ST3GAL1: variants seen among roughly 807,000 people sequenced by gnomAD.
ST3GAL1 encodes CMP-N-acetylneuraminate-beta-galactosamide-alpha-2,3-sialyltransferase 1.
Under a neutral mutation model 34.1 loss-of-function variants are expected in ST3GAL1, and 16 were observed. The ratio of observed to expected loss-of-function variants is 0.47; its 90% confidence interval spans 0.32 to 0.71. The LOEUF is 0.71. ST3GAL1 is among the 30% of genes least tolerant of loss of function. ST3GAL1 has a pLI of 0.04. For missense variants in ST3GAL1, 353 were observed against 447.4 expected, an observed-to-expected ratio of 0.79 and a Z score of 1.90; for synonymous variants, 191 against 184.7, an observed-to-expected ratio of 1.03 and a Z score of -0.28.
At chr8:133,478,225 A>C (rs1360108352) in intron 3 of ST3GAL1, among the ~76,000 whole-genome samples, 3 of 152,234 alleles carry the variant, frequency 2.0e-5, no homozygotes, top group Non-Finnish European at 4.4e-5. Flanking sequence ...CTTCTGCATC[A>C]TCACAGATAG....
intron 1 of ST3GAL1, among the ~76,000 whole-genome samples, chr8:133,557,667 G>C (rs1005716014): frequency 6.6e-6 from 1 of 152,164 alleles, no homozygotes; most frequent in Non-Finnish European, 1.5e-5. Flanking sequence ...GACCAACATG[G>C]TGAAACCCTG....
intron 5 of ST3GAL1, among the ~76,000 whole-genome samples, chr8:133,468,566 C>T (rs968684682): frequency 2.0e-5 from 3 of 152,294 alleles, no homozygotes; most frequent in South Asian, 2.1e-4. Context: ...GTGATTGTTA[C>T]ACACACTGTG....
Position 133,512,315 on chromosome 8 carries a change from T to A in ST3GAL1, c.-428-13126A>T, listed in dbSNP as rs572185617. On this transcript the variant is annotated intron_variant, in intron 2 of 9. Transcript: ENST00000522652. ...GTCCGATGTTCGAGGGCAGGAAGCATCCAGCACAGGAGAAAGATGGAGGCC... is the reference window on the plus strand; with the variant it reads ...GTCCGATGTTCGAGGGCAGGAAGCAACCAGCACAGGAGAAAGATGGAGGCC... Among the ~76,000 whole-genome samples, 4 of 152,256 alleles carry A rather than the reference T, an allele frequency of 2.6e-5. No individual in the cohort carries two copies. The East Asian group carries it at 7.7e-4, about 29-fold the overall frequency.
intron 1 of ST3GAL1, among the ~76,000 whole-genome samples, chr8:133,559,310 A>G (rs1176271292): frequency 6.6e-6 from 1 of 152,136 alleles, no homozygotes; most frequent in Non-Finnish European, 1.5e-5. Context: ...ATGTTTGCTG[A>G]GCTCAGTTTG....
chr8:133,460,007 T>C (rs566886591), intron 9 of ST3GAL1, 70 bp from the exon 10 acceptor site: 1 of 1,501,356 alleles, frequency 6.7e-7, no homozygotes, highest in South Asian at 1.3e-5. Flanking sequence ...AAAGGAAGCC[T>C]GTAGGCGTTC....
chr8:133,461,130 G>A lies in ST3GAL1; in HGVS notation c.849+745C>T, dbSNP rs1158736868. ...TTTCTACCTGGGAACACCAGGGTGGGGCTGAGCCTGGGGACCTGCCTTGCA... is the reference window on the plus strand; with the variant it reads ...TTTCTACCTGGGAACACCAGGGTGGAGCTGAGCCTGGGGACCTGCCTTGCA... On this transcript the variant is annotated intron_variant, in intron 9 of 9. Coordinates refer to ENST00000522652, the MANE Select transcript of ST3GAL1 (RefSeq NM_173344.3). The surrounding 1 kb of genome is among the most constrained non-coding windows in gnomAD (Gnocchi z 4.7). Among the ~76,000 whole-genome samples the A allele has an allele frequency of 6.6e-6, 1 of 152,148 alleles. No homozygotes were observed. The highest frequency in any genetic ancestry group is 1.5e-5 in the Non-Finnish European group (1 of 68,022).
intron 1 of ST3GAL1, among the ~76,000 whole-genome samples, chr8:133,551,618 G>GAAAGAAAGAA (rs1481293927): frequency 2.1e-5 from 3 of 144,378 alleles, no homozygotes; most frequent in East Asian, 2.1e-4. Flanking sequence ...AAGAAAGAAA[G>GAAAGAAAGAA]AGCGAGCAAG....
chr8:133,465,754 G>C, intron 6 of ST3GAL1, 140 bp downstream of exon 6: 1 of 862,130 alleles, frequency 1.2e-6, no homozygotes, highest in Non-Finnish European at 1.8e-6. Flanking sequence ...AGGGGGTGCA[G>C]TGTGGAGCCT....
intron 2 of ST3GAL1, among the ~76,000 whole-genome samples, chr8:133,517,930 A>G (rs912166114): frequency 8.5e-5 from 13 of 152,242 alleles, no homozygotes; most frequent in African/African-American, 3.1e-4. Flanking sequence ...CACATTATCC[A>G]TAGGACGATC....
intron 3 of ST3GAL1, among the ~76,000 whole-genome samples, chr8:133,495,749 A>G (rs573546144): frequency 6.6e-6 from 1 of 152,334 alleles, no homozygotes; most frequent in Admixed American, 6.5e-5. Context: ...ATCGTAACCC[A>G]TAGCATGTGT....
In ST3GAL1 at chr8:133,556,560, C is replaced by T. The variant is rs573058305; in HGVS notation, c.-581-10634G>A. ...ATGGACCTGTTTGTCTTCTAAGCAACCTCAGCTAATGAAGGCTGCATAACT... is the reference window on the plus strand; with the variant it reads ...ATGGACCTGTTTGTCTTCTAAGCAATCTCAGCTAATGAAGGCTGCATAACT... On this transcript the variant is annotated intron_variant, in intron 1 of 9. Coordinates refer to ENST00000522652, the MANE Select transcript of ST3GAL1 (RefSeq NM_173344.3). This position sits in a 1 kb window ranked among gnomAD's most constrained non-coding sequence, Gnocchi z 8.9. Among the ~76,000 whole-genome samples, 1 of 152,248 alleles carries T rather than the reference C, an allele frequency of 6.6e-6. No homozygotes were observed. Among genetic ancestry groups the T allele is most frequent in the South Asian group, 2.1e-4 (1 of 4,824 alleles).
At chr8:133,557,188 G>A (rs939097415) in intron 1 of ST3GAL1, among the ~76,000 whole-genome samples, 2 of 152,210 alleles carry the variant, frequency 1.3e-5, no homozygotes, top group Non-Finnish European at 2.9e-5. Flanking sequence ...AGAAAAAGAG[G>A]GGAGGCAGAT....
chr8:133,538,027 G>A (rs1818356722), intron 2 of ST3GAL1, among the ~76,000 whole-genome samples: 1 of 152,202 alleles, frequency 6.6e-6, no homozygotes, highest in African/African-American at 2.4e-5. Flanking sequence ...TAGGGGCAGG[G>A]AGGGGCTGCA....
chr8:133,491,374 T>G (rs76473590), intron 3 of ST3GAL1, among the ~76,000 whole-genome samples: 2 of 152,042 alleles, frequency 1.3e-5, no homozygotes, highest in Admixed American at 1.3e-4. Flanking sequence ...AAGAAAGGAT[T>G]TCCCCCCATT....
chr8:133,520,720 G>A (rs889825380), intron 2 of ST3GAL1, among the ~76,000 whole-genome samples: 5 of 151,574 alleles, frequency 3.3e-5, no homozygotes, highest in Non-Finnish European at 5.9e-5. Flanking sequence ...TCCAGGAAAT[G>A]GCTCAATGTG....
At chr8:133,472,623 T>C (rs1325143532) in intron 5 of ST3GAL1, among the ~76,000 whole-genome samples, 1 of 152,214 alleles carries the variant, frequency 6.6e-6, no homozygotes. Flanking sequence ...ATTCAAAGCG[T>C]GTGGTTTCCG....
At chr8:133,486,056 C>T (rs777565977) in intron 3 of ST3GAL1, among the ~76,000 whole-genome samples, 75 of 152,326 alleles carry the variant, frequency 4.9e-4, no homozygotes, top group Admixed American at 3.6e-3. Flanking sequence ...AACAAGCTCC[C>T]GATGAAGGTA....
intron 2 of ST3GAL1, among the ~76,000 whole-genome samples, chr8:133,503,642 T>A (rs146114051): frequency 1.2e-4 from 18 of 152,306 alleles, no homozygotes; most frequent in African/African-American, 3.4e-4. Flanking sequence ...TCTGCCTGGC[T>A]TTTACAAATG....
At chr8:133,470,771 C>T (rs1425643895) in intron 5 of ST3GAL1, among the ~76,000 whole-genome samples, 1 of 152,096 alleles carries the variant, frequency 6.6e-6, no homozygotes, top group Non-Finnish European at 1.5e-5. Context: ...AGGAGTCGGG[C>T]AAGTGGGATA....
Sources: allele counts gnomAD v4.1 joint callset (sites outside exome capture counted in the v4.1 genomes callset), GRCh38; gene constraint gnomAD v4.1.1; non-coding constraint Gnocchi (gnomAD v3.1); transcripts MANE v1.5; gene names NCBI Gene and HGNC (gene_info 2026-07-23, HGNC 2026-07-21).